SLX4IP: variants seen among roughly 807,000 people sequenced by gnomAD.
SLX4IP encodes protein SLX4IP.
SLX4IP carries 34 observed loss-of-function variants against 32.9 expected under a neutral mutation model. The ratio of observed to expected loss-of-function variants is 1.03; its 90% confidence interval spans 0.79 to 1.38. SLX4IP has a LOEUF of 1.38. Ranked by LOEUF, SLX4IP falls within the 40% of genes most tolerant of loss-of-function variation. The pLI is 0.00. For missense variants in SLX4IP, 444 were observed against 479.0 expected, an observed-to-expected ratio of 0.93 and a Z score of 0.68; for synonymous variants, 172 against 171.7, an observed-to-expected ratio of 1.00 and a Z score of -0.01.
intron 2 of SLX4IP, among the ~76,000 whole-genome samples, chr20:10,488,921 C>T (rs1357736069): frequency 1.3e-5 from 2 of 152,180 alleles, no homozygotes; most frequent in East Asian, 3.9e-4. Context: ...TAATATATAA[C>T]CAAAGAACAT....
chr20:10,612,730 G>A lies in SLX4IP; in HGVS notation c.406-8584G>A, dbSNP rs559889770. On this transcript the variant is annotated intron_variant, in intron 6 of 7. Coordinates refer to ENST00000334534, the MANE Select transcript of SLX4IP (RefSeq NM_001009608.3). ...AATTTTCGTGTTTTTAGTAGTGACA[G>A]GATTTCACCATGTTAGTCAGGCTGG... 2.0e-5 allele frequency: 3 copies of A among 152,354 alleles called. No homozygotes were observed. The East Asian group carries it at 5.8e-4, about 29-fold the overall frequency. The allele number at this position is 152,354 out of a possible 1,614,324, so 9.4% of individuals were successfully genotyped here.
chr20:10,527,070 A>G (rs568994312), intron 2 of SLX4IP, among the ~76,000 whole-genome samples: 43 of 152,348 alleles, frequency 2.8e-4, no homozygotes, highest in African/African-American at 9.9e-4. Flanking sequence ...CAAAAGATAT[A>G]TCATCTTCTG....
At chr20:10,474,661 C>G (rs895170319) in intron 2 of SLX4IP, among the ~76,000 whole-genome samples, 24 of 152,232 alleles carry the variant, frequency 1.6e-4, no homozygotes, top group African/African-American at 5.1e-4. Flanking sequence ...GGGGCTGGAG[C>G]CTCTCCACTT....
At chr20:10,544,983 G>A (rs1164922091) in intron 2 of SLX4IP, among the ~76,000 whole-genome samples, 2 of 152,084 alleles carry the variant, frequency 1.3e-5, no homozygotes, top group African/African-American at 4.8e-5. Context: ...ATCACCTGGA[G>A]GGCTTGTTAA....
intron 2 of SLX4IP, among the ~76,000 whole-genome samples, chr20:10,465,978 T>C (rs2065377464): frequency 6.6e-6 from 1 of 152,212 alleles, no homozygotes; most frequent in African/African-American, 2.4e-5. Context: ...TGAAGTTACC[T>C]TGGGTTAAAC....
chr20:10,458,070 TA>T (rs1465098104), intron 1 of SLX4IP, 105 bp from the exon 2 acceptor site: 5 of 627,850 alleles, frequency 8.0e-6, no homozygotes, highest in African/African-American at 1.9e-5. Context: ...ATTCATCTCA[TA>T]AATACCTATT....
At chr20:10,553,686 T>C (rs2066240157) in intron 2 of SLX4IP, among the ~76,000 whole-genome samples, 1 of 152,232 alleles carries the variant, frequency 6.6e-6, no homozygotes, top group African/African-American at 2.4e-5. Flanking sequence ...CATAACTGAG[T>C]ACACACTTAC....
intron 4 of SLX4IP, among the ~76,000 whole-genome samples, chr20:10,563,760 T>A (rs2066357571): frequency 6.6e-6 from 1 of 152,232 alleles, no homozygotes; most frequent in Admixed American, 6.5e-5. Context: ...GTTCCATTGC[T>A]CTATGTGTCT....
chr20:10,457,531 A>G (rs1336640053), intron 1 of SLX4IP, among the ~76,000 whole-genome samples: 1 of 151,494 alleles, frequency 6.6e-6, no homozygotes, highest in Non-Finnish European at 1.5e-5. Context: ...CAGATCTTAA[A>G]CTATCCTTGC....
intron 7 of SLX4IP, 114 bp from the exon 8 acceptor site, chr20:10,622,544 AG>A: frequency 7.2e-7 from 1 of 1,384,072 alleles, no homozygotes; most frequent in South Asian, 1.5e-5. Flanking sequence ...GGGAAGCGAG[AG>A]GGCAGGTAGT....
chr20:10,539,457 A>G (rs914793204), intron 2 of SLX4IP, among the ~76,000 whole-genome samples: 12 of 152,118 alleles, frequency 7.9e-5, no homozygotes. Context: ...GTGGAGGGTG[A>G]CATTTGCAGG....
chr20:10,514,314 C>A (rs1568717754), intron 2 of SLX4IP, among the ~76,000 whole-genome samples: 1 of 152,134 alleles, frequency 6.6e-6, no homozygotes, highest in Non-Finnish European at 1.5e-5. Flanking sequence ...GTCTTAAGTT[C>A]GTTTTGGCAT....
At chr20:10,571,258 T>G (rs2066462696) in intron 4 of SLX4IP, among the ~76,000 whole-genome samples, 1 of 152,176 alleles carries the variant, frequency 6.6e-6, no homozygotes. Flanking sequence ...ACAAGCCAGT[T>G]GCCCAGGACC....
intron 2 of SLX4IP, among the ~76,000 whole-genome samples, chr20:10,491,885 G>A (rs916324321): frequency 4.6e-5 from 7 of 152,108 alleles, no homozygotes; most frequent in African/African-American, 1.7e-4. Flanking sequence ...AATTTGGTAT[G>A]TTTTATTTCT....
At chr20:10,473,786 A>G (rs983444513) in intron 2 of SLX4IP, among the ~76,000 whole-genome samples, 1 of 151,360 alleles carries the variant, frequency 6.6e-6, no homozygotes, top group African/African-American at 2.4e-5. Context: ...AAAAATGTTT[A>G]GTAGAGACGG....
chr20:10,591,396 T>C (rs1022244837), intron 4 of SLX4IP, among the ~76,000 whole-genome samples: 1 of 152,202 alleles, frequency 6.6e-6, no homozygotes, highest in African/African-American at 2.4e-5. Context: ...GCACATGATC[T>C]AGAATCTCAG....
At chr20:10,519,519 G>A (rs1206887469) in intron 2 of SLX4IP, among the ~76,000 whole-genome samples, 1 of 152,136 alleles carries the variant, frequency 6.6e-6, no homozygotes, top group Non-Finnish European at 1.5e-5. Flanking sequence ...ATGTTTTCAA[G>A]GTTCAACCAT....
intron 6 of SLX4IP, among the ~76,000 whole-genome samples, chr20:10,609,579 G>T (rs1209848900): frequency 6.6e-6 from 1 of 152,178 alleles, no homozygotes; most frequent in Non-Finnish European, 1.5e-5. Context: ...CAGGGCTACT[G>T]TGGGCTCTCT....
intron 2 of SLX4IP, among the ~76,000 whole-genome samples, chr20:10,545,014 T>A (rs779878928): frequency 6.6e-6 from 1 of 152,120 alleles, no homozygotes; most frequent in Non-Finnish European, 1.5e-5. Flanking sequence ...CCTGGGCCCC[T>A]CTCTGTAATT....
Sources: allele counts gnomAD v4.1 joint callset (sites outside exome capture counted in the v4.1 genomes callset), GRCh38; gene constraint gnomAD v4.1.1; transcripts MANE v1.5; gene names NCBI Gene and HGNC (gene_info 2026-07-23, HGNC 2026-07-21).